Variants in SOX17 observed in about 807,000 individuals in gnomAD.
The protein encoded by SOX17 is SRY-box transcription factor 17.
A neutral mutation model predicts 16.0 loss-of-function variants in SOX17; 4 were observed. The observed-to-expected ratio is 0.25, with a 90% confidence interval of 0.12 to 0.57. The LOEUF (loss-of-function observed/expected upper bound fraction) is 0.57. SOX17 is among the 20% of genes least tolerant of loss of function. SOX17 has a pLI of 0.92. For synonymous variants in SOX17, 357 were observed against 284.6 expected (o/e 1.25, Z -2.56); for missense variants, 633 against 609.7 (o/e 1.04, Z -0.40).
chr8:54,459,269 C>T lies in SOX17; in HGVS notation c.519C>T (p.Arg173=). Residue 173 remains arginine, a synonymous_variant, in exon 2 of 2, where the codon CGC becomes CGT. Transcript: ENST00000297316. ...QAAALGPEGG[R]VAMDGLGLQF... The stretch of plus-strand genomic sequence containing the variant: ...CCGCGCTGGGCCCCGAGGGCGGCCG[C>T]GTGGCCATGGACGGCCTGGGCCTCC... 9 of 1,503,882 alleles carry T rather than the reference C, an allele frequency of 6.0e-6. No homozygotes were observed. Among genetic ancestry groups the T allele is most frequent in the Admixed American group, 2.3e-5 (1 of 44,062 alleles). 93.2% of individuals were successfully genotyped at this position (1,503,882 alleles called of 1,614,324 possible). A position where few individuals can be genotyped will look rare whatever the true frequency, so the allele number is the denominator to read the frequency against.
Position 54,460,296 on chromosome 8 carries a change from G to A in SOX17, c.*301G>A. On this transcript the variant is annotated 3_prime_UTR_variant, in exon 2 of 2. Coordinates refer to ENST00000297316, the MANE Select transcript of SOX17 (RefSeq NM_022454.4). ...CCCAAAACAGCTTCCTCCATTTCCTGAAAGTTTATTGATCAAAGAAATGTT... is the reference window on the plus strand; with the variant it reads ...CCCAAAACAGCTTCCTCCATTTCCTAAAAGTTTATTGATCAAAGAAATGTT... 2.1e-6 allele frequency: 1 copy of A among 477,098 alleles called. No homozygotes were observed. Among genetic ancestry groups the A allele is most frequent in the Non-Finnish European group, 3.8e-6 (1 of 265,608 alleles). The allele number at this position is 477,098 out of a possible 1,614,324, so 29.6% of individuals were successfully genotyped here.
In SOX17 at chr8:54,458,257, G is replaced by A. The variant is rs1291689259; in HGVS notation, c.119G>A (p.Gly40Glu). Residue 40 changes from glycine to glutamate, a missense_variant, in exon 1 of 2, where the codon GGG becomes GAG. This residue lies in a region of SOX17 where 94 missense variants were observed against 98.7 expected (regional missense o/e 0.95). Transcript: ENST00000297316. Reference sequence around the variant, plus strand: ...TGGGCCGAGTCGCTGAGCCCCATCGGGGACATGAAGGTGAAGGGCGAGGCG... The same window carrying A: ...TGGGCCGAGTCGCTGAGCCCCATCGAGGACATGAAGGTGAAGGGCGAGGCG... ...CPWAESLSPI[G>E]DMKVKGEAPA... 6.2e-7 allele frequency: 1 copy of A among 1,605,582 alleles called. No individual in the cohort carries two copies. The highest frequency in any genetic ancestry group is 8.5e-7 in the Non-Finnish European group (1 of 1,176,878).
Position 54,459,332 on chromosome 8 carries a change from G to T in SOX17, c.582G>T (p.Leu194=). ...AGGGCTTCCCCGCCGGCCCGCCGCT[G>T]CTGCCTCCGCACATGGGCGGCCACT... ...PEQGFPAGPP[L]LPPHMGGHYR... Residue 194 remains leucine (L), a synonymous_variant, in exon 2 of 2, where the codon CTG becomes CTT. Coordinates refer to ENST00000297316, the MANE Select transcript of SOX17 (RefSeq NM_022454.4). The T allele has an allele frequency of 6.5e-7, 1 of 1,542,990 alleles. No individual in the cohort carries two copies. Among genetic ancestry groups the T allele is most frequent in the Non-Finnish European group, 8.7e-7 (1 of 1,155,296 alleles).
Position 54,459,857 on chromosome 8 carries a change from C to G in SOX17, c.1107C>G (p.Phe369Leu), listed in dbSNP as rs201582946. 6.2e-7 allele frequency: 1 copy of G among 1,613,798 alleles called. No homozygotes were observed. Among genetic ancestry groups the G allele is most frequent in the Non-Finnish European group, 8.5e-7 (1 of 1,180,028 alleles). Residue 369 changes from phenylalanine (F) to leucine (L), a missense_variant, in exon 2 of 2, where the codon TTC becomes TTG. Phe to Leu is a conservative substitution (Grantham distance 22). Around this residue, in one of 5 missense-constraint regions of SOX17, gnomAD observed 479 missense variants for 397.2 expected, o/e 1.21. Coordinates refer to ENST00000297316, the MANE Select transcript of SOX17 (RefSeq NM_022454.4). ...CGGAATTTGAACAGTATCTGCACTT[C>G]GTGTGCAAGCCTGAGATGGGCCTCC... ...DRTEFEQYLH[F>L]VCKPEMGLPY... is the part of the protein sequence containing the mutation.
chr8:54,460,637 C>T lies in SOX17; in HGVS notation c.*642C>T. The T allele has an allele frequency of 4.3e-6, 1 of 232,146 alleles. No individual in the cohort carries two copies. Among genetic ancestry groups the T allele is most frequent in the East Asian group, 6.2e-5 (1 of 16,210 alleles). The allele number at this position is 232,146 out of a possible 1,614,324, so 14.4% of individuals were successfully genotyped here. ...AACTAACAGTTAATATTTTCAATTC[C>T]AGTATATCACTTTAAGTAGAAGGGG... On this transcript the variant is annotated 3_prime_UTR_variant, in exon 2 of 2. Coordinates refer to ENST00000297316, the MANE Select transcript of SOX17 (RefSeq NM_022454.4).
chr8:54,459,189 C>T lies in SOX17; in HGVS notation c.439C>T (p.Arg147Trp), dbSNP rs138778434. The T allele has an allele frequency of 1.9e-6, 3 of 1,597,528 alleles. No individual in the cohort carries two copies. The highest frequency in any genetic ancestry group is 2.6e-6 in the Non-Finnish European group (3 of 1,173,476). Reference protein sequence around the residue: ...YRPRRRKQVKRLKRVEGGFLH... With the variant: ...YRPRRRKQVKWLKRVEGGFLH... The stretch of plus-strand genomic sequence containing the variant: ...GCCGCGGCGGCGCAAGCAGGTGAAG[C>T]GGCTGAAGCGGGTGGAGGGCGGCTT... Residue 147 changes from arginine (R) to tryptophan (W), a missense_variant, in exon 2 of 2, where the codon CGG becomes TGG. Physicochemically the swap from Arg to Trp is moderately radical, Grantham distance 101. Coordinates refer to ENST00000297316, the MANE Select transcript of SOX17 (RefSeq NM_022454.4).
At chr8:54,458,548 C>A in intron 1 of SOX17, 103 bp downstream of exon 1, 1 of 1,414,338 alleles carries the variant, frequency 7.1e-7, no homozygotes, top group Non-Finnish European at 9.7e-7. Context: ...ACGCCCAAAA[C>A]CAGGGGTGTG....
chr8:54,459,783 G>T lies in SOX17; in HGVS notation c.1033G>T (p.Gly345Cys). 1 of 1,602,522 alleles carries T rather than the reference G, an allele frequency of 6.2e-7. No individual in the cohort carries two copies. The change falls in exon 2 of 2, where the codon GGC becomes TGC. Residue 345 changes from glycine to cysteine, a missense_variant. Around this residue, in one of 5 missense-constraint regions of SOX17, gnomAD observed 479 missense variants for 397.2 expected, o/e 1.21. Coordinates refer to ENST00000297316, the MANE Select transcript of SOX17 (RefSeq NM_022454.4). Reference sequence around the variant, plus strand: ...TCCGGAGGCACTGCCCTGCCGGGACGGCACGGACCCCAGTCAGCCCGCCGA... The same window carrying T: ...TCCGGAGGCACTGCCCTGCCGGGACTGCACGGACCCCAGTCAGCCCGCCGA... Reference protein sequence around the residue: ...PPPEALPCRDGTDPSQPAELL... With the variant: ...PPPEALPCRDCTDPSQPAELL...
rs76058549 is a variant in SOX17 at position 54,460,336 on chromosome 8, T to A, written c.*341T>A. ...AAAGAAATGTTGTCCTGGGTGTGTTTTTTCAATCTTCTAAAAAATAAAATC... is the reference window on the plus strand; with the variant it reads ...AAAGAAATGTTGTCCTGGGTGTGTTATTTCAATCTTCTAAAAAATAAAATC... On this transcript the variant is annotated 3_prime_UTR_variant, in exon 2 of 2. Coordinates refer to ENST00000297316, the MANE Select transcript of SOX17 (RefSeq NM_022454.4). 11 of 403,174 alleles carry A rather than the reference T, an allele frequency of 2.7e-5. No homozygotes were observed. Among genetic ancestry groups the A allele is most frequent in the African/African-American group, 2.2e-4 (11 of 50,016 alleles). 25.0% of individuals were successfully genotyped at this position (403,174 alleles called of 1,614,324 possible). A position where few individuals can be genotyped will look rare whatever the true frequency, so the allele number is the denominator to read the frequency against.
At position 54,460,289 on chromosome 8, in the gene SOX17, A is replaced by C; in HGVS notation, c.*294A>C. The C allele has an allele frequency of 2.1e-6, 1 of 481,454 alleles. No individual in the cohort carries two copies. The highest frequency in any genetic ancestry group is 3.7e-6 in the Non-Finnish European group (1 of 267,988). 29.8% of individuals were successfully genotyped at this position (481,454 alleles called of 1,614,324 possible). ...AATGTGTCCCAAAACAGCTTCCTCC[A>C]TTTCCTGAAAGTTTATTGATCAAAG... On this transcript the variant is annotated 3_prime_UTR_variant, in exon 2 of 2. Coordinates refer to ENST00000297316, the MANE Select transcript of SOX17 (RefSeq NM_022454.4).
chr8:54,460,217 G>C lies in SOX17; in HGVS notation c.*222G>C. On this transcript the variant is annotated 3_prime_UTR_variant, in exon 2 of 2. Coordinates refer to ENST00000297316, the MANE Select transcript of SOX17 (RefSeq NM_022454.4). Reference sequence around the variant, plus strand: ...TTTGTTCAGAGATTTGTTTCCCATAGTTGGATTGTCAAAACCCTATTTCCA... The same window carrying C: ...TTTGTTCAGAGATTTGTTTCCCATACTTGGATTGTCAAAACCCTATTTCCA... The C allele has an allele frequency of 1.7e-6, 1 of 605,050 alleles. No homozygotes were observed. The highest frequency in any genetic ancestry group is 2.0e-5 in the South Asian group (1 of 49,320). 37.5% of individuals were successfully genotyped at this position (605,050 alleles called of 1,614,324 possible). A position where few individuals can be genotyped will look rare whatever the true frequency, so the allele number is the denominator to read the frequency against.
In SOX17 at chr8:54,458,171, CG is replaced by C; in HGVS notation, c.34del (p.Asp12ThrfsTer12). ...GCCCGGATGCGGGATACGCCAGTGA[CG>C]ACCAGAGCCAGACCCAGAGCGCGCT... ...SSPDAGYASDDQSQTQSALPA... is the reference protein window; with the variant it reads ...SSPDAGYASDXQSQTQSALPA... On this transcript the variant is annotated frameshift_variant, in exon 1 of 2. Coordinates refer to ENST00000297316, the MANE Select transcript of SOX17 (RefSeq NM_022454.4). LOFTEE classifies it high-confidence loss of function. 1 of 1,582,520 alleles carries C rather than the reference CG, an allele frequency of 6.3e-7. No individual in the cohort carries two copies.
chr8:54,459,821 G>A lies in SOX17; in HGVS notation c.1071G>A (p.Glu357=). The A allele has an allele frequency of 1.2e-6, 2 of 1,613,010 alleles. No individual in the cohort carries two copies. The highest frequency in any genetic ancestry group is 1.7e-6 in the Non-Finnish European group (2 of 1,179,812). Reference sequence around the variant, plus strand: ...GTCAGCCCGCCGAGCTCCTCGGGGAGGTGGACCGCACGGAATTTGAACAGT... The same window carrying A: ...GTCAGCCCGCCGAGCTCCTCGGGGAAGTGGACCGCACGGAATTTGAACAGT... ...DPSQPAELLG[E]VDRTEFEQYL... Residue 357 remains glutamate, a synonymous_variant, in exon 2 of 2, where the codon GAG becomes GAA. Coordinates refer to ENST00000297316, the MANE Select transcript of SOX17 (RefSeq NM_022454.4).
At position 54,458,019 on chromosome 8, in the gene SOX17, C is replaced by A; in HGVS notation, c.-120C>A. On this transcript the variant is annotated 5_prime_UTR_variant, in exon 1 of 2. Transcript: ENST00000297316. ...CAGAACACGGGCGGCGGCTTCGGGC[C>A]GGGAGACCCGCGCAGCCCTCGGGGC... 2 of 1,225,020 alleles carry A rather than the reference C, an allele frequency of 1.6e-6. No individual in the cohort carries two copies. The highest frequency in any genetic ancestry group is 2.9e-5 in the East Asian group (1 of 35,052). 75.9% of individuals were successfully genotyped at this position (1,225,020 alleles called of 1,614,324 possible).
Position 54,458,251 on chromosome 8 carries a change from CCATCGGGGA to C in SOX17, c.117_125del (p.Ile39_Asp41del). 3.1e-6 allele frequency: 5 copies of C among 1,604,206 alleles called. No individual in the cohort carries two copies. Among genetic ancestry groups the C allele is most frequent in the Non-Finnish European group, 4.3e-6 (5 of 1,176,268 alleles). On this transcript the variant is annotated inframe_deletion, in exon 1 of 2. Coordinates refer to ENST00000297316, the MANE Select transcript of SOX17 (RefSeq NM_022454.4). ...TGCCCCTGGGCCGAGTCGCTGAGCCCCATCGGGGACATGAAGGTGAAGGGCGAGGCGCCG... is the reference window on the plus strand; with the variant it reads ...TGCCCCTGGGCCGAGTCGCTGAGCCCCATGAAGGTGAAGGGCGAGGCGCCG...
In SOX17 at chr8:54,459,838, T is replaced by A; in HGVS notation, c.1088T>A (p.Phe363Tyr). 6.2e-7 allele frequency: 1 copy of A among 1,613,580 alleles called. No individual in the cohort carries two copies. Among genetic ancestry groups the A allele is most frequent in the Non-Finnish European group, 8.5e-7 (1 of 1,179,984 alleles). ...ELLGEVDRTE[F>Y]EQYLHFVCKP... is the part of the protein sequence containing the mutation. ...CTCGGGGAGGTGGACCGCACGGAAT[T>A]TGAACAGTATCTGCACTTCGTGTGC... The change falls in exon 2 of 2, where the codon TTT becomes TAT. Residue 363 changes from phenylalanine (F) to tyrosine (Y), a missense_variant. Physicochemically the swap from Phe to Tyr is conservative, Grantham distance 22. This residue lies in a region of SOX17 where 479 missense variants were observed against 397.2 expected (regional missense o/e 1.21). Transcript: ENST00000297316.
chr8:54,459,039 C>G lies in SOX17; in HGVS notation c.308-19C>G, dbSNP rs114822661. The G allele has an allele frequency of 2.5e-5, 39 of 1,582,644 alleles. No individual in the cohort carries two copies. Among genetic ancestry groups the G allele is most frequent in the Admixed American group, 1.2e-4 (7 of 56,190 alleles). On this transcript the variant is annotated intron_variant, in intron 1 of 1. Transcript: ENST00000297316. ...CCGATAAGCCCTGCGCCCCTCTCCC[C>G]CTTCCTTCCACTGTGCAGGCAAGTC... is the stretch of plus-strand genomic sequence containing the variant.
At chr8:54,459,014 C>A (rs990686343) in intron 1 of SOX17, 44 bp from the exon 2 acceptor site, 44 of 1,501,892 alleles carry the variant, frequency 2.9e-5, no homozygotes, top group Non-Finnish European at 3.8e-5. Context: ...GGGAGCGCAG[C>A]CGATAAGCCC....
Position 54,458,319 on chromosome 8 carries a change from C to A in SOX17, c.181C>A (p.Arg61=), listed in dbSNP as rs1183010849. The A allele has an allele frequency of 6.2e-7, 1 of 1,611,498 alleles. No homozygotes were observed. Among genetic ancestry groups the A allele is most frequent in the Non-Finnish European group, 8.5e-7 (1 of 1,179,490 alleles). Residue 61 remains arginine, a synonymous_variant, in exon 1 of 2, where the codon CGA becomes AGA. Coordinates refer to ENST00000297316, the MANE Select transcript of SOX17 (RefSeq NM_022454.4). ...NSGAPAGAAG[R]AKGESRIRRP... ...CGGAGCACCGGCCGGGGCCGCGGGC[C>A]GAGCCAAGGGCGAGTCCCGTATCCG...
Sources: allele counts gnomAD v4.1 joint callset, GRCh38; gene constraint gnomAD v4.1.1; regional missense constraint gnomAD v4.1.1; transcripts MANE v1.5; gene names NCBI Gene and HGNC (gene_info 2026-07-23, HGNC 2026-07-21).